Variants in CREB3L1 observed in about 807,000 individuals in gnomAD.
CREB3L1 encodes the protein cAMP responsive element binding protein 3 like 1, also known as cyclic AMP-responsive element-binding protein 3-like protein 1.
A neutral mutation model predicts 54.5 loss-of-function variants in CREB3L1; 33 were observed. The ratio of observed to expected loss-of-function variants is 0.61; its 90% CI spans 0.46 to 0.81. The LOEUF (loss-of-function observed/expected upper bound fraction) is 0.81. Ranked by LOEUF, CREB3L1 falls within the 30% of genes least tolerant of loss-of-function variation. CREB3L1 has a pLI of 0.00. For missense variants in CREB3L1, 656 were observed against 673.3 expected, an observed-to-expected ratio of 0.97 and a Z score of 0.29; for synonymous variants, 284 against 286.4, an observed-to-expected ratio of 0.99 and a Z score of 0.08.
chr11:46,315,162 C>A, intron 8 of CREB3L1: 1 of 312,668 alleles, frequency 3.2e-6, no homozygotes, highest in South Asian at 3.1e-5. Flanking sequence ...TTCCTTCCTT[C>A]TCCCCCAGCT....
chr11:46,313,611 G>C (rs552380809), intron 8 of CREB3L1, among the ~76,000 whole-genome samples: 24 of 152,044 alleles, frequency 1.6e-4, no homozygotes, highest in Non-Finnish European at 2.9e-4. Flanking sequence ...ACTTGAATCC[G>C]AGAGGCGGCA....
At chr11:46,282,654 A>C (rs764452936) in intron 1 of CREB3L1, among the ~76,000 whole-genome samples, 1 of 152,150 alleles carries the variant, frequency 6.6e-6, no homozygotes, top group Non-Finnish European at 1.5e-5. Context: ...CTGACTACCT[A>C]AAGTGGGACC....
In CREB3L1 at chr11:46,277,983, C is replaced by A. The variant is rs1002239431; in HGVS notation, c.-129C>A. 4.6e-6 allele frequency: 2 copies of A among 430,992 alleles called. No homozygotes were observed. The highest frequency in any genetic ancestry group is 7.6e-5 in the South Asian group (1 of 13,148). The allele number at this position is 430,992 out of a possible 1,614,324, so 26.7% of individuals were successfully genotyped here. ...GCCGCGCCGCCTCCGTCCGCCCCTC[C>A]CCCGGGGCTTCGCCCCGGACCTGCC... is the stretch of plus-strand genomic sequence containing the variant. On this transcript the variant is annotated 5_prime_UTR_variant, in exon 1 of 12. Coordinates refer to ENST00000621158, the MANE Select transcript of CREB3L1 (RefSeq NM_052854.4).
chr11:46,297,369 C>G (rs2136343675), intron 1 of CREB3L1, among the ~76,000 whole-genome samples: 1 of 152,336 alleles, frequency 6.6e-6, no homozygotes, highest in Admixed American at 6.5e-5. Context: ...GCATTGCCAT[C>G]TGGGTTCTAA....
intron 1 of CREB3L1, among the ~76,000 whole-genome samples, chr11:46,285,988 C>T (rs1954890937): frequency 6.6e-6 from 1 of 152,228 alleles, no homozygotes; most frequent in East Asian, 1.9e-4. Context: ...ACCTGGAATA[C>T]CCTCACCCTT....
intron 8 of CREB3L1, among the ~76,000 whole-genome samples, chr11:46,314,007 C>T (rs113904996): frequency 5.3e-5 from 8 of 152,090 alleles, no homozygotes; most frequent in East Asian, 3.9e-4. Context: ...GAGGCGGAGG[C>T]GGGCAAATCA....
chr11:46,318,266 A>T (rs1272397238), intron 10 of CREB3L1, among the ~76,000 whole-genome samples: 1 of 151,898 alleles, frequency 6.6e-6, no homozygotes, highest in Non-Finnish European at 1.5e-5. Flanking sequence ...GACAGGAAGG[A>T]GTGTCATGAT....
intron 1 of CREB3L1, among the ~76,000 whole-genome samples, chr11:46,294,083 T>C (rs936443623): frequency 6.6e-6 from 1 of 152,158 alleles, no homozygotes; most frequent in African/African-American, 2.4e-5. Flanking sequence ...TGTTTCCCTG[T>C]GTACAAAGGA....
At chr11:46,287,042 G>A (rs558792639) in intron 1 of CREB3L1, among the ~76,000 whole-genome samples, 117 of 152,272 alleles carry the variant, frequency 7.7e-4, no homozygotes, top group African/African-American at 2.6e-3. Context: ...AGATGATGAG[G>A]CAAGTGCTGG....
At chr11:46,320,226 A>C (rs1217995735) in intron 10 of CREB3L1, 38 bp from the exon 11 acceptor site, 2 of 1,542,328 alleles carry the variant, frequency 1.3e-6, no homozygotes, top group East Asian at 4.5e-5. Flanking sequence ...TGTTGAGGGA[A>C]TCTTGGGCAC....
At chr11:46,307,758 C>G (rs1318707651) in intron 2 of CREB3L1, 58 bp from the exon 3 acceptor site, 49 of 1,402,608 alleles carry the variant, frequency 3.5e-5, no homozygotes, top group Non-Finnish European at 4.7e-5. Flanking sequence ...TCCCAGGGGG[C>G]AGGCAGGGGG....
intron 2 of CREB3L1, among the ~76,000 whole-genome samples, chr11:46,305,746 A>AT (rs34152812): frequency 0.038 from 4,915 of 129,226 alleles, 423 homozygotes; most frequent in African/African-American, 0.15. Flanking sequence ...ATATATATAT[A>AT]TTTTTTTTTA....
At chr11:46,320,674 C>A in intron 11 of CREB3L1, 36 bp from the exon 12 acceptor site, 1 of 1,602,108 alleles carries the variant, frequency 6.2e-7, no homozygotes, top group Admixed American at 1.7e-5. Flanking sequence ...AGGGTTCCTG[C>A]TGGACAGTCA....
chr11:46,300,245 C>A (rs1939276030), intron 2 of CREB3L1, 82 bp downstream of exon 2: 2 of 1,099,212 alleles, frequency 1.8e-6, no homozygotes, highest in African/African-American at 1.6e-5. Flanking sequence ...AGAGAGTGTG[C>A]CTGCAGCCTG....
In CREB3L1 at chr11:46,320,292, T is replaced by A; in HGVS notation, c.1287T>A (p.Asp429Glu). Reference protein sequence around the residue: ...QMPSRSLLFYDDGAGLWEDGR... With the variant: ...QMPSRSLLFYEDGAGLWEDGR... Reference sequence around the variant, plus strand: ...CCTCCCGAAGCCTCCTATTCTACGATGACGGGGCAGGCTTATGGGAAGATG... The same window carrying A: ...CCTCCCGAAGCCTCCTATTCTACGAAGACGGGGCAGGCTTATGGGAAGATG... The change falls in exon 11 of 12, where the codon GAT becomes GAA. Residue 429 changes from aspartate (D) to glutamate (E), a missense_variant. Transcript: ENST00000621158. 1.2e-6 allele frequency: 2 copies of A among 1,611,642 alleles called. No individual in the cohort carries two copies. Among genetic ancestry groups the A allele is most frequent in the African/African-American group, 1.3e-5 (1 of 74,904 alleles).
At position 46,316,266 on chromosome 11, in the gene CREB3L1, G is replaced by A; in HGVS notation, c.1032-20G>A. 6.6e-7 allele frequency: 1 copy of A among 1,506,800 alleles called. No individual in the cohort carries two copies. Among genetic ancestry groups the A allele is most frequent in the Non-Finnish European group, 9.0e-7 (1 of 1,105,944 alleles). 93.3% of individuals were successfully genotyped at this position (1,506,800 alleles called of 1,614,324 possible). A position where few individuals can be genotyped will look rare whatever the true frequency, so the allele number is the denominator to read the frequency against. On this transcript the variant is annotated intron_variant, in intron 8 of 11. Coordinates refer to ENST00000621158, the MANE Select transcript of CREB3L1 (RefSeq NM_052854.4). ...CCTGCGGGGTCAAAGCCTGCCAGCTGACTGCTGTGCCCTCCTCAGGACCCT... is the reference window on the plus strand; with the variant it reads ...CCTGCGGGGTCAAAGCCTGCCAGCTAACTGCTGTGCCCTCCTCAGGACCCT...
At chr11:46,314,140 A>C (rs1194135493) in intron 8 of CREB3L1, among the ~76,000 whole-genome samples, 1 of 151,592 alleles carries the variant, frequency 6.6e-6, no homozygotes. Flanking sequence ...CAGGAGGTTG[A>C]GGGAAAAGAA....
intron 1 of CREB3L1, among the ~76,000 whole-genome samples, chr11:46,289,510 G>A (rs981030649): frequency 7.9e-5 from 12 of 152,274 alleles, no homozygotes; most frequent in African/African-American, 2.4e-4. Context: ...CAGTCTGTAA[G>A]TGCTGTGGTA....
chr11:46,305,586 GTATATATACACACACATATATA>G (rs1355670189), intron 2 of CREB3L1, among the ~76,000 whole-genome samples: 1 of 144,334 alleles, frequency 6.9e-6, no homozygotes, highest in African/African-American at 2.6e-5. Flanking sequence ...ATATATATAT[GTATATATACACACACATATATA>G]TGTGTGTGTG....
Sources: allele counts gnomAD v4.1 joint callset (sites outside exome capture counted in the v4.1 genomes callset), GRCh38; gene constraint gnomAD v4.1.1; transcripts MANE v1.5; gene names NCBI Gene and HGNC (gene_info 2026-07-23, HGNC 2026-07-21).